The following USP8 variants were observed in gnomAD, a reference collection of about 807,000 sequenced individuals.
The protein encoded by USP8 is ubiquitin specific peptidase 8.
Under a neutral mutation model 130.0 loss-of-function variants are expected in USP8, and 27 were observed. The observed-to-expected ratio is 0.21, with a 90% CI of 0.15 to 0.29. The LOEUF (loss-of-function observed/expected upper bound fraction) is 0.29, where lower values mean the gene tolerates loss of function less well. USP8 is among the 10% of genes least tolerant of loss of function. USP8 has a pLI of 1.00. For synonymous variants in USP8, 392 were observed against 444.1 expected (o/e 0.88, Z 1.48); for missense variants, 1,029 against 1,312.2 (o/e 0.78, Z 3.33).
In USP8 at chr15:50,471,703, G is replaced by C; in HGVS notation, c.757G>C (p.Val253Leu). ...SKDTWKKRGN[V>L]EYVVLLDWFS... Reference sequence around the variant, plus strand: ...AGACACATGGAAGAAGAGGGGGAATGTGGAGTATGTGGTACTTCTTGACTG... The same window carrying C: ...AGACACATGGAAGAAGAGGGGGAATCTGGAGTATGTGGTACTTCTTGACTG... The change falls in exon 8 of 20, where the codon GTG (valine) becomes CTG (leucine). Residue 253 changes from valine (V) to leucine (L), a missense_variant. By Grantham distance (32) the Val-to-Leu change is conservative. Coordinates refer to ENST00000307179, the MANE Select transcript of USP8 (RefSeq NM_005154.5). The C allele has an allele frequency of 6.2e-7, 1 of 1,614,132 alleles. No individual in the cohort carries two copies. Among genetic ancestry groups the C allele is most frequent in the Non-Finnish European group, 8.5e-7 (1 of 1,180,022 alleles).
chr15:50,441,057 A>G (rs2050243227), intron 2 of USP8, among the ~76,000 whole-genome samples: 1 of 151,742 alleles, frequency 6.6e-6, no homozygotes, highest in East Asian at 1.9e-4. Flanking sequence ...AGTTCACAAT[A>G]GGGTTCGTGC....
intron 9 of USP8, 136 bp downstream of exon 9, chr15:50,477,129 C>A: frequency 7.4e-7 from 1 of 1,346,428 alleles, no homozygotes; most frequent in Non-Finnish European, 1.0e-6. Context: ...AAAATATAAG[C>A]CTGGAAGTTC....
At chr15:50,460,928 G>A (rs760942797) in intron 5 of USP8, among the ~76,000 whole-genome samples, 2 of 151,944 alleles carry the variant, frequency 1.3e-5, no homozygotes, top group African/African-American at 2.4e-5. Context: ...AGGCCAAGGT[G>A]GGCAGGTCAT....
intron 4 of USP8, among the ~76,000 whole-genome samples, chr15:50,452,864 C>T (rs2050669148): frequency 6.6e-6 from 1 of 152,180 alleles, no homozygotes; most frequent in Non-Finnish European, 1.5e-5. Flanking sequence ...TTGTTATTAA[C>T]AGTGGAAGCA....
At chr15:50,434,114 G>GTT (rs2050022664) in intron 1 of USP8, among the ~76,000 whole-genome samples, 1 of 150,350 alleles carries the variant, frequency 6.7e-6, no homozygotes, top group Admixed American at 6.6e-5. Flanking sequence ...TTTTTGTTTT[G>GTT]TTTTGTTTTG....
At chr15:50,440,926 C>T (rs748064897) in intron 2 of USP8, among the ~76,000 whole-genome samples, 13 of 151,588 alleles carry the variant, frequency 8.6e-5, no homozygotes, top group South Asian at 8.4e-4. Context: ...CACTTGAATC[C>T]GGGAGGCAGA....
chr15:50,431,856 A>G (rs911409939), intron 1 of USP8, among the ~76,000 whole-genome samples: 6 of 152,090 alleles, frequency 3.9e-5, no homozygotes, highest in Non-Finnish European at 7.4e-5. Flanking sequence ...GGGTTTCTCC[A>G]TATTGGTCAG....
intron 5 of USP8, among the ~76,000 whole-genome samples, chr15:50,460,301 C>CTTTTTTT (rs1168064692): frequency 1.3e-5 from 1 of 77,362 alleles, no homozygotes; most frequent in African/African-American, 5.3e-5. Flanking sequence ...CCTGGCTCTT[C>CTTTTTTT]TTTTTTTTTT....
rs370665131 is a variant in USP8, at chr15:50,443,578, G to A, written c.249+2085G>A. Among the ~76,000 whole-genome samples, 6 of 151,936 alleles carry A rather than the reference G, an allele frequency of 3.9e-5. No individual in the cohort carries two copies. The East Asian group carries it at 7.7e-4, about 20-fold the overall frequency. ...GGCTCACTGCAACCTCTGCCTCCCA[G>A]GTTCAAGCGGTTCTCCTGCCTCAGC... On this transcript the variant is annotated intron_variant, in intron 3 of 19. Transcript: ENST00000307179.
intron 11 of USP8, 122 bp from the exon 12 acceptor site, chr15:50,484,153 A>T: frequency 1.5e-6 from 1 of 657,352 alleles, no homozygotes; most frequent in Non-Finnish European, 2.4e-6. Flanking sequence ...AAATTTTCAG[A>T]GGCCTTTTTT....
chr15:50,464,317 C>CAG (rs1275358697), intron 6 of USP8, among the ~76,000 whole-genome samples: 1 of 152,186 alleles, frequency 6.6e-6, no homozygotes, highest in Non-Finnish European at 1.5e-5. Context: ...AGACTGCCAT[C>CAG]AGAGACCTTT....
At position 50,505,397 on chromosome 15, in the gene USP8, CTG is replaced by C. The variant is rs2052644971; in HGVS notation, c.*6311_*6312del. 1 of 152,138 alleles carries C rather than the reference CTG, an allele frequency of 6.6e-6. No individual in the cohort carries two copies. Among genetic ancestry groups the C allele is most frequent in the Non-Finnish European group, 1.5e-5 (1 of 68,026 alleles). 9.4% of individuals were successfully genotyped at this position (152,138 alleles called of 1,614,324 possible). ...GCTTCAAAATAATAGAGAAAAATAACTGTCAATCTGGAATTTGATTTCTAGTT... is the reference window on the plus strand; with the variant it reads ...GCTTCAAAATAATAGAGAAAAATAACTCAATCTGGAATTTGATTTCTAGTT... On this transcript the variant is annotated 3_prime_UTR_variant, in exon 20 of 20. Coordinates refer to ENST00000307179, the MANE Select transcript of USP8 (RefSeq NM_005154.5).
rs543262793 is a variant in USP8, at chr15:50,469,665, G to C, written c.687-1968G>C. Among the ~76,000 whole-genome samples, 3 of 151,992 alleles carry C rather than the reference G, an allele frequency of 2.0e-5. 1 individual carries two copies. In the South Asian group the frequency reaches 6.2e-4, roughly 32 times the overall value. ...TTTCAAAATTAAAATGATCTTATTT[G>C]GTTTTACTTGTGGATAAAAGTTGTA... is the stretch of plus-strand genomic sequence containing the variant. On this transcript the variant is annotated intron_variant, in intron 7 of 19. Transcript: ENST00000307179.
chr15:50,461,783 G>T lies in USP8; in HGVS notation c.499-497G>T, dbSNP rs185021414. 3.4e-4 allele frequency among the ~76,000 whole-genome samples: 51 copies of T among 152,020 alleles called. No homozygotes were observed. In the East Asian group the frequency reaches 8.3e-3, roughly 25 times the overall value. ...CAGGAGAATTGCTTGAACCTGAGAG[G>T]CAGAGGTTGCAGTGTGCCAAGATGG... On this transcript the variant is annotated intron_variant, in intron 5 of 19. Coordinates refer to ENST00000307179, the MANE Select transcript of USP8 (RefSeq NM_005154.5).
At chr15:50,478,800 A>C (rs2051659991) in intron 10 of USP8, among the ~76,000 whole-genome samples, 1 of 152,208 alleles carries the variant, frequency 6.6e-6, no homozygotes, top group Admixed American at 6.5e-5. Flanking sequence ...CGTGCCTGTA[A>C]TCCCAACACT....
At chr15:50,446,476 T>A (rs756365112) in intron 3 of USP8, among the ~76,000 whole-genome samples, 20 of 152,336 alleles carry the variant, frequency 1.3e-4, no homozygotes, top group Non-Finnish European at 2.6e-4. Context: ...ATTTTTGGTT[T>A]TACTTTGTAT....
intron 10 of USP8, among the ~76,000 whole-genome samples, chr15:50,478,171 T>C (rs1440769168): frequency 6.6e-6 from 1 of 152,220 alleles, no homozygotes; most frequent in Non-Finnish European, 1.5e-5. Context: ...ATATGATAGG[T>C]ATGTGATGTC....
Position 50,494,300 on chromosome 15 carries a change from T to TAA in USP8, c.2658+21_2658+22dup, listed in dbSNP as rs756655769. ...AATAAAGTAAGAAATTTGATTTTTC[T>TAA]AAGTTGCAGAGACTCTTTAGGGTTG... On this transcript the variant is annotated intron_variant, in intron 16 of 19. Coordinates refer to ENST00000307179, the MANE Select transcript of USP8 (RefSeq NM_005154.5). The TAA allele has an allele frequency of 5.7e-6, 9 of 1,582,286 alleles. No individual in the cohort carries two copies. In the South Asian group the frequency reaches 8.2e-5, roughly 14 times the overall value.
intron 4 of USP8, among the ~76,000 whole-genome samples, chr15:50,456,573 CA>C (rs36014118): frequency 0.34 from 35,532 of 104,664 alleles, 5,101 homozygotes; most frequent in East Asian, 0.51. Flanking sequence ...GACTCCGTCT[CA>C]AAAAAAAAAA....
Sources: allele counts gnomAD v4.1 joint callset (sites outside exome capture counted in the v4.1 genomes callset), GRCh38; gene constraint gnomAD v4.1.1; transcripts MANE v1.5; gene names NCBI Gene and HGNC (gene_info 2026-07-23, HGNC 2026-07-21).